PDE3B: variants seen among roughly 807,000 people sequenced by gnomAD.
PDE3B encodes the protein cGMP-inhibited 3',5'-cyclic phosphodiesterase 3B.
PDE3B carries 66 observed loss-of-function variants against 116.8 expected under a neutral mutation model. The observed-to-expected ratio is 0.56, with a 90% CI of 0.46 to 0.69. The LOEUF (loss-of-function observed/expected upper bound fraction) is 0.69, where lower values mean the gene tolerates loss of function less well. PDE3B is among the 30% of genes least tolerant of loss of function. The probability of loss-of-function intolerance (pLI) is 0.00; values close to 1 mark genes in which losing one functional copy is unlikely to be tolerated. For synonymous variants in PDE3B, 595 were observed against 533.6 expected (o/e 1.12, Z -1.59); for missense variants, 1,384 against 1,368.1 (o/e 1.01, Z -0.18).
chr11:14,737,991 G>T (rs1310874867), intron 1 of PDE3B, among the ~76,000 whole-genome samples: 1 of 152,104 alleles, frequency 6.6e-6, no homozygotes, highest in Non-Finnish European at 1.5e-5. Context: ...GTGTATATGT[G>T]CCACATTTTC....
chr11:14,689,654 A>T (rs1184254186), intron 1 of PDE3B, among the ~76,000 whole-genome samples: 1 of 152,200 alleles, frequency 6.6e-6, no homozygotes, highest in East Asian at 1.9e-4. Flanking sequence ...AAAGACAAGG[A>T]CTGTGGGGGA....
At chr11:14,668,167 G>T (rs1854242140) in intron 1 of PDE3B, among the ~76,000 whole-genome samples, 1 of 152,070 alleles carries the variant, frequency 6.6e-6, no homozygotes, top group Non-Finnish European at 1.5e-5. Context: ...TACTTTTTCT[G>T]AGACAGTATC....
At chr11:14,825,448 C>A (rs1252723723) in intron 7 of PDE3B, among the ~76,000 whole-genome samples, 1 of 152,186 alleles carries the variant, frequency 6.6e-6, no homozygotes, top group Non-Finnish European at 1.5e-5. Context: ...GGAGGAAAAT[C>A]TACCAAGCAA....
intron 1 of PDE3B, among the ~76,000 whole-genome samples, chr11:14,752,551 TTCC>T (rs1857082148): frequency 6.6e-6 from 1 of 152,174 alleles, no homozygotes; most frequent in Non-Finnish European, 1.5e-5. Context: ...TCTTCTAAAG[TTCC>T]TCCCTCCTTC....
In PDE3B at chr11:14,708,772, TTATATA is replaced by T. The variant is rs747025383; in HGVS notation, c.979-63156_979-63151del. 2.7e-5 allele frequency among the ~76,000 whole-genome samples: 4 copies of T among 150,910 alleles called. 1 individual carries two copies. Among genetic ancestry groups the T allele is most frequent in the Non-Finnish European group, 5.9e-5 (4 of 67,662 alleles). ...TACTCTAAAAAAGTTCAGGGGTGAA[TTATATA>T]TATATATAGAGAGAGAGAATGTAGG... is the stretch of plus-strand genomic sequence containing the variant. On this transcript the variant is annotated intron_variant, in intron 1 of 15. Transcript: ENST00000282096.
chr11:14,644,776 TCAC>T lies in PDE3B; in HGVS notation c.704_706del (p.Thr235del). The T allele has an allele frequency of 6.2e-7, 1 of 1,607,542 alleles. No homozygotes were observed. The highest frequency in any genetic ancestry group is 8.5e-7 in the Non-Finnish European group (1 of 1,177,496). ...GCCAGCTTCGTCTGGTGGGTCTCCT[TCAC>T]CAGCCTCGGGTCGCTGCCCTCCGCC... On this transcript the variant is annotated inframe_deletion, in exon 1 of 16. Coordinates refer to ENST00000282096, the MANE Select transcript of PDE3B (RefSeq NM_000922.4).
intron 2 of PDE3B, among the ~76,000 whole-genome samples, chr11:14,784,079 CTGA>C (rs1295874276): frequency 6.6e-6 from 1 of 152,168 alleles, no homozygotes; most frequent in East Asian, 1.9e-4. Context: ...AATCTAAGGC[CTGA>C]TGATCTGTGG....
intron 1 of PDE3B, among the ~76,000 whole-genome samples, chr11:14,746,158 C>A (rs1856904766): frequency 6.6e-6 from 1 of 152,198 alleles, no homozygotes; most frequent in African/African-American, 2.4e-5. Flanking sequence ...CTTTGGGAGG[C>A]CAAGGCGGAT....
intron 11 of PDE3B, among the ~76,000 whole-genome samples, chr11:14,835,556 C>G (rs1180199572): frequency 6.6e-6 from 1 of 152,000 alleles, no homozygotes; most frequent in East Asian, 1.9e-4. Context: ...ACATTAAAAA[C>G]TTTTATAAAC....
chr11:14,855,172 G>A (rs116970203), intron 12 of PDE3B, among the ~76,000 whole-genome samples: 3,248 of 152,214 alleles, frequency 0.021, 40 homozygotes, highest in Middle Eastern at 0.031. Flanking sequence ...ATATAGGGAA[G>A]GAGAAGATAA....
chr11:14,688,217 A>G (rs1448027703), intron 1 of PDE3B, among the ~76,000 whole-genome samples: 1 of 142,232 alleles, frequency 7.0e-6, no homozygotes, highest in African/African-American at 2.6e-5. Flanking sequence ...AGAGAACATG[A>G]GTATTTTCAG....
At chr11:14,659,984 T>C (rs1165341025) in intron 1 of PDE3B, among the ~76,000 whole-genome samples, 2 of 152,326 alleles carry the variant, frequency 1.3e-5, no homozygotes, top group East Asian at 3.9e-4. Context: ...CCCAGTTCTG[T>C]GTTCCCCCAA....
Position 14,772,704 on chromosome 11 carries a change from A to T in PDE3B, c.1029+717A>T, listed in dbSNP as rs867497933. On this transcript the variant is annotated intron_variant, in intron 2 of 15. Coordinates refer to ENST00000282096, the MANE Select transcript of PDE3B (RefSeq NM_000922.4). ...TTAATTTTTTGAACACCTAAGTAAT[A>T]TATGTTTATATCAGATAAAATGAAA... 2.6e-5 allele frequency: 4 copies of T among 152,106 alleles called. No individual in the cohort carries two copies. In the Middle Eastern group the frequency reaches 0.01, roughly 388 times the overall value. 9.4% of individuals were successfully genotyped at this position (152,106 alleles called of 1,614,324 possible). A position where few individuals can be genotyped will look rare whatever the true frequency, so the allele number is the denominator to read the frequency against.
chr11:14,724,324 C>A lies in PDE3B; in HGVS notation c.979-47613C>A, dbSNP rs369100073. Among the ~76,000 whole-genome samples the A allele has an allele frequency of 3.7e-4, 57 of 152,228 alleles. No homozygotes were observed. The Middle Eastern group carries it at 0.014, about 36-fold the overall frequency. ...CAGAACATTAATAGGAAGGGGGACA[C>A]ATTTGGTGGTAAAACTCATTAGTTA... On this transcript the variant is annotated intron_variant, in intron 1 of 15. Transcript: ENST00000282096.
chr11:14,709,667 G>A lies in PDE3B; in HGVS notation c.979-62270G>A, dbSNP rs371164759. On this transcript the variant is annotated intron_variant, in intron 1 of 15. Transcript: ENST00000282096. ...AGAGGAGATAGCACCTCTCTCCCCCGCACCACTAGTGCCAAGATTGAGAAG... is the reference window on the plus strand; with the variant it reads ...AGAGGAGATAGCACCTCTCTCCCCCACACCACTAGTGCCAAGATTGAGAAG... Among the ~76,000 whole-genome samples the A allele has an allele frequency of 1.2e-4, 18 of 152,220 alleles. No homozygotes were observed. The East Asian group carries it at 2.3e-3, about 20-fold the overall frequency.
intron 1 of PDE3B, among the ~76,000 whole-genome samples, chr11:14,710,295 A>AT (rs1415363931): frequency 1.3e-5 from 2 of 152,052 alleles, no homozygotes; most frequent in Admixed American, 6.6e-5. Context: ...TAGATGATTT[A>AT]TTTTTTTGAT....
At position 14,830,828 on chromosome 11, in the gene PDE3B, G is replaced by T; in HGVS notation, c.1938G>T (p.Gln646His). ...EGDKWLTEEA[Q>H]SEQQTNIEQE... The stretch of plus-strand genomic sequence containing the variant: ...ATAAGTGGCTAACAGAAGAGGCACA[G>T]AGTGAACAGCAAACAAATGTAAAAG... Residue 646 changes from glutamine (Q) to histidine (H), a missense_variant, in exon 8 of 16, where the codon CAG (glutamine) becomes CAT (histidine). By Grantham distance (24) the Gln-to-His change is conservative (BLOSUM62 0). This residue lies in a region of PDE3B where 956 missense variants were observed against 806.8 expected (regional missense o/e 1.18). Coordinates refer to ENST00000282096, the MANE Select transcript of PDE3B (RefSeq NM_000922.4). 6.6e-7 allele frequency: 1 copy of T among 1,505,560 alleles called. No homozygotes were observed. Among genetic ancestry groups the T allele is most frequent in the Non-Finnish European group, 8.8e-7 (1 of 1,131,748 alleles). The allele number at this position is 1,505,560 out of a possible 1,614,324, so 93.3% of individuals were successfully genotyped here. A position where few individuals can be genotyped will look rare whatever the true frequency, so the allele number is the denominator to read the frequency against.
chr11:14,839,108 G>C (rs1238827030), intron 11 of PDE3B, among the ~76,000 whole-genome samples: 5 of 152,178 alleles, frequency 3.3e-5, no homozygotes, highest in Middle Eastern at 3.2e-3. Flanking sequence ...GCCAGAGTTA[G>C]GGGCCTATGG....
the PDE3B span, among the ~76,000 whole-genome samples, chr11:14,889,513 T>G: frequency 6.6e-6 from 1 of 152,204 alleles, no homozygotes. Flanking sequence ...GCATACATTC[T>G]TTTTCATTTT....
Sources: allele counts gnomAD v4.1 joint callset (sites outside exome capture counted in the v4.1 genomes callset), GRCh38; gene constraint gnomAD v4.1.1; regional missense constraint gnomAD v4.1.1; transcripts MANE v1.5; gene names NCBI Gene and HGNC (gene_info 2026-07-23, HGNC 2026-07-21).